KCNU1: variants seen among roughly 807,000 people sequenced by gnomAD.
KCNU1 encodes the protein potassium channel subfamily U member 1.
A neutral mutation model predicts 126.8 loss-of-function variants in KCNU1; 93 were observed. The observed-to-expected ratio is 0.73, with a 90% confidence interval of 0.62 to 0.87. The LOEUF (loss-of-function observed/expected upper bound fraction) is 0.87, where lower values mean the gene tolerates loss of function less well. Ranked by LOEUF, KCNU1 falls within the 40% of genes least tolerant of loss-of-function variation. KCNU1 has a pLI of 0.00. For synonymous variants in KCNU1, 523 were observed against 494.2 expected (o/e 1.06, Z -0.77); for missense variants, 1,330 against 1,367.1 (o/e 0.97, Z 0.43).
At chr8:36,915,353 ATTATTTACAAGCCTTGTGAT>A (rs2117553755) in intron 22 of KCNU1, among the ~76,000 whole-genome samples, 1 of 152,350 alleles carries the variant, frequency 6.6e-6, no homozygotes, top group South Asian at 2.1e-4. Flanking sequence ...AGCCACTTCC[ATTATTTACAAGCCTTGTGAT>A]CTTGGGCATG....
chr8:36,820,847 A>G (rs928306205), intron 10 of KCNU1, among the ~76,000 whole-genome samples: 1 of 152,198 alleles, frequency 6.6e-6, no homozygotes, highest in South Asian at 2.1e-4. Context: ...GGTGACTAAC[A>G]GAGGCTCTCA....
chr8:36,926,707 T>A (rs1585576963), intron 24 of KCNU1, among the ~76,000 whole-genome samples: 1 of 152,230 alleles, frequency 6.6e-6, no homozygotes, highest in Middle Eastern at 3.4e-3. Context: ...ATAATATCCC[T>A]CCACAAAGAC....
intron 10 of KCNU1, among the ~76,000 whole-genome samples, chr8:36,823,056 CATGT>C (rs1407113851): frequency 2.0e-5 from 3 of 152,086 alleles, no homozygotes; most frequent in African/African-American, 4.8e-5. Context: ...GAGAGGCATG[CATGT>C]GAGTGTTGTC....
intron 6 of KCNU1, among the ~76,000 whole-genome samples, chr8:36,807,745 A>AG (rs1288572786): frequency 1.3e-5 from 2 of 151,526 alleles, no homozygotes; most frequent in African/African-American, 4.8e-5. Flanking sequence ...AAAAAAAAAA[A>AG]GTCAAAGCAA....
At chr8:36,834,493 A>C (rs1448458799) in intron 11 of KCNU1, among the ~76,000 whole-genome samples, 1 of 152,216 alleles carries the variant, frequency 6.6e-6, no homozygotes, top group Non-Finnish European at 1.5e-5. Flanking sequence ...GCATCAAATA[A>C]TGGTGATGGA....
At chr8:36,828,276 T>C (rs1258677327) in intron 10 of KCNU1, among the ~76,000 whole-genome samples, 1 of 152,072 alleles carries the variant, frequency 6.6e-6, no homozygotes, top group Non-Finnish European at 1.5e-5. Flanking sequence ...TTTTGGTTAT[T>C]TATGTTACTA....
intron 19 of KCNU1, among the ~76,000 whole-genome samples, chr8:36,870,333 A>T (rs1806056583): frequency 6.6e-6 from 1 of 152,174 alleles, no homozygotes; most frequent in South Asian, 2.1e-4. Flanking sequence ...ATGCTCACGC[A>T]TGACTCCTGA....
At chr8:36,861,017 G>A (rs997468995) in intron 18 of KCNU1, among the ~76,000 whole-genome samples, 1 of 151,902 alleles carries the variant, frequency 6.6e-6, no homozygotes, top group Non-Finnish European at 1.5e-5. Context: ...ACATAAGGTA[G>A]AGATTTACCT....
chr8:36,886,808 C>T (rs1276561561), intron 19 of KCNU1, among the ~76,000 whole-genome samples: 2 of 152,030 alleles, frequency 1.3e-5, no homozygotes, highest in Non-Finnish European at 2.9e-5. Context: ...CCCAATGTCC[C>T]CCTTCTGAAT....
intron 21 of KCNU1, among the ~76,000 whole-genome samples, 189 bp downstream of exon 21, chr8:36,909,724 T>A (rs972312139): frequency 3.3e-5 from 5 of 152,220 alleles, no homozygotes; most frequent in African/African-American, 9.6e-5. Flanking sequence ...TTTATTGAAC[T>A]TTAAGCACCG....
At chr8:36,844,556 G>T (rs569375342) in intron 16 of KCNU1, among the ~76,000 whole-genome samples, 107 of 152,266 alleles carry the variant, frequency 7.0e-4, no homozygotes, top group Non-Finnish European at 1.4e-3. Flanking sequence ...GCCATCCATT[G>T]TCTGAGGTAG....
chr8:36,899,632 C>CAG (rs1585533578), intron 19 of KCNU1, among the ~76,000 whole-genome samples: 1 of 152,002 alleles, frequency 6.6e-6, no homozygotes, highest in African/African-American at 2.4e-5. Flanking sequence ...GACCAGGAAG[C>CAG]AGAGAGAGAG....
rs555810599 is a variant in KCNU1, at chr8:36,826,273, G to A, written c.1107-7281G>A. On this transcript the variant is annotated intron_variant, in intron 10 of 26. Transcript: ENST00000399881. ...CACCCAGGCTGGAGCGCAGTGGCCT[G>A]ATCTTGGCTCACTGCAACCTCTGCC... 3.3e-5 allele frequency among the ~76,000 whole-genome samples: 5 copies of A among 151,854 alleles called. No individual in the cohort carries two copies. In the East Asian group the frequency reaches 5.8e-4, roughly 18 times the overall value.
rs1223388462 is a variant in KCNU1, at chr8:36,845,883, C to G, written c.1875C>G (p.Ser625Arg). The change falls in exon 18 of 27, where the codon AGC becomes AGG. Residue 625 changes from serine (S) to arginine (R), a missense_variant. Ser to Arg is a moderately radical substitution (Grantham distance 110). Coordinates refer to ENST00000399881, the MANE Select transcript of KCNU1 (RefSeq NM_001031836.3). Reference sequence around the variant, plus strand: ...CAAACTGTGGCTGCAAAAGCAGAAGCCGGCAGCACATCACAGGTAATTGCA... The same window carrying G: ...CAAACTGTGGCTGCAAAAGCAGAAGGCGGCAGCACATCACAGGTAATTGCA... ...LITNCGCKSR[S>R]RQHITVPSVK... is the part of the protein sequence containing the mutation. The G allele has an allele frequency of 2.5e-6, 4 of 1,595,204 alleles. No homozygotes were observed. The highest frequency in any genetic ancestry group is 3.4e-6 in the Non-Finnish European group (4 of 1,168,354).
intron 19 of KCNU1, among the ~76,000 whole-genome samples, chr8:36,903,931 G>T (rs747033760): frequency 6.6e-6 from 1 of 152,108 alleles, no homozygotes; most frequent in African/African-American, 2.4e-5. Context: ...AGACCAGCAC[G>T]AGGGTAACCA....
At chr8:36,857,192 A>C (rs950430595) in intron 18 of KCNU1, among the ~76,000 whole-genome samples, 1 of 152,174 alleles carries the variant, frequency 6.6e-6, no homozygotes, top group Non-Finnish European at 1.5e-5. Flanking sequence ...CCCACTGTGA[A>C]ACCTCTGCCT....
At position 36,784,407 on chromosome 8, in the gene KCNU1, G is replaced by C. The variant is rs376712465; in HGVS notation, c.-4G>C. 10 of 1,608,150 alleles carry C rather than the reference G, an allele frequency of 6.2e-6. No homozygotes were observed. Among genetic ancestry groups the C allele is most frequent in the Non-Finnish European group, 8.5e-6 (10 of 1,177,158 alleles). On this transcript the variant is annotated 5_prime_UTR_variant, in exon 1 of 27. Coordinates refer to ENST00000399881, the MANE Select transcript of KCNU1 (RefSeq NM_001031836.3). ...TGGCAATTCCGTCTACTGATGTCTCGAACATGTTTCAGACTAAGCTACGAA... is the reference window on the plus strand; with the variant it reads ...TGGCAATTCCGTCTACTGATGTCTCCAACATGTTTCAGACTAAGCTACGAA...
intron 2 of KCNU1, among the ~76,000 whole-genome samples, chr8:36,793,883 G>A (rs150827392): frequency 0.011 from 1,743 of 151,768 alleles, 32 homozygotes; most frequent in African/African-American, 0.04. Flanking sequence ...GTGAAACCCC[G>A]TCTCTACTAA....
intron 2 of KCNU1, among the ~76,000 whole-genome samples, chr8:36,790,831 T>C (rs921378333): frequency 2.0e-5 from 3 of 152,102 alleles, no homozygotes; most frequent in African/African-American, 7.2e-5. Context: ...GCATTACATT[T>C]TCTTTTCCAA....
Sources: allele counts gnomAD v4.1 joint callset (sites outside exome capture counted in the v4.1 genomes callset), GRCh38; gene constraint gnomAD v4.1.1; transcripts MANE v1.5; gene names NCBI Gene and HGNC (gene_info 2026-07-23, HGNC 2026-07-21).